Variants in GSE1 observed in about 807,000 individuals in gnomAD.
The protein encoded by GSE1 is genetic suppressor element 1.
Under a neutral mutation model 112.6 loss-of-function variants are expected in GSE1, and 32 were observed. The observed-to-expected ratio is 0.28, with a 90% CI of 0.21 to 0.38. GSE1 has a LOEUF of 0.38. GSE1 is among the 10% of genes least tolerant of loss of function. The pLI, the probability that GSE1 is intolerant of heterozygous loss-of-function variation, is 1.00. For missense variants in GSE1, 2,348 were observed against 1,699.2 expected (o/e 1.38, Z -6.71); for synonymous variants, 1,115 against 735.6 (o/e 1.52, Z -8.35).
At position 85,370,344 on chromosome 16, in the gene GSE1, G is replaced by T. The variant is rs544858152; in HGVS notation, c.2464+12701G>T. Reference sequence around the variant, plus strand: ...ACTGGGCGTCCCTCTGCCTCTGCCTGCCCCTCAAGCAGCTAAGCCATGGTC... The same window carrying T: ...ACTGGGCGTCCCTCTGCCTCTGCCTTCCCCTCAAGCAGCTAAGCCATGGTC... On this transcript the variant is annotated intron_variant, in intron 2 of 2. Transcript: ENST00000637419. Among the ~76,000 whole-genome samples, 3 of 152,232 alleles carry T rather than the reference G, an allele frequency of 2.0e-5. No homozygotes were observed. The South Asian group carries it at 6.2e-4, about 32-fold the overall frequency.
intron 1 of GSE1, among the ~76,000 whole-genome samples, chr16:85,258,933 C>T (rs1310849021): frequency 1.3e-5 from 2 of 152,230 alleles, no homozygotes; most frequent in Non-Finnish European, 2.9e-5. Flanking sequence ...AATCGCTCAG[C>T]TGTCAGGGGC....
chr16:85,619,157 C>A (rs200418124), intron 1 of GSE1, among the ~76,000 whole-genome samples: 1 of 152,168 alleles, frequency 6.6e-6, no homozygotes, highest in African/African-American at 2.4e-5. Context: ...GGAGCCTCAA[C>A]GTCCCCTCGG....
chr16:85,565,927 T>C (rs538495560), intron 1 of GSE1, among the ~76,000 whole-genome samples: 1 of 152,330 alleles, frequency 6.6e-6, no homozygotes, highest in Admixed American at 6.5e-5. Flanking sequence ...CAGGCTTTTC[T>C]GAGGCTGCAG....
At chr16:85,417,184 G>T (rs1171666861) in intron 2 of GSE1, among the ~76,000 whole-genome samples, 1 of 152,212 alleles carries the variant, frequency 6.6e-6, no homozygotes, top group Admixed American at 6.5e-5. Flanking sequence ...GGATATTTGG[G>T]TGAGATAATT....
intron 2 of GSE1, among the ~76,000 whole-genome samples, chr16:85,647,243 C>G (rs1382082953): frequency 6.6e-6 from 1 of 152,194 alleles, no homozygotes; most frequent in Admixed American, 6.5e-5. Flanking sequence ...CCAAAGCCCT[C>G]CTGCCTGCCC....
At chr16:85,306,773 C>T (rs1400227366) in intron 1 of GSE1, among the ~76,000 whole-genome samples, 8 of 152,198 alleles carry the variant, frequency 5.3e-5, no homozygotes, top group South Asian at 2.1e-4. Flanking sequence ...TATGGCCAAA[C>T]GGAGGCAGAT....
intron 1 of GSE1, among the ~76,000 whole-genome samples, chr16:85,617,948 G>C (rs1485787412): frequency 6.6e-6 from 1 of 152,130 alleles, no homozygotes; most frequent in African/African-American, 2.4e-5. Context: ...CTGTCACCTG[G>C]CTGCTCTCTG....
chr16:85,171,513 C>T (rs1326541500), exon 1 of GSE1: 1 of 985,614 alleles, frequency 1.0e-6, no homozygotes, highest in Non-Finnish European at 1.2e-6. Context: ...AGCATGAGGC[C>T]CGCAGCTCCC....
chr16:85,278,502 A>G (rs1567658120), intron 1 of GSE1, among the ~76,000 whole-genome samples: 1 of 152,236 alleles, frequency 6.6e-6, no homozygotes, highest in Non-Finnish European at 1.5e-5. Context: ...CTGAATTCAC[A>G]AGGTTTGTTT....
At chr16:85,636,292 C>A (rs544711644) in intron 2 of GSE1, among the ~76,000 whole-genome samples, 1 of 152,204 alleles carries the variant, frequency 6.6e-6, no homozygotes, top group Admixed American at 6.5e-5. Context: ...CACCTCACCC[C>A]CTATTGAGCT....
chr16:85,656,670 C>G lies in GSE1; in HGVS notation c.1312+5C>G, dbSNP rs1392315455. 5 of 1,505,200 alleles carry G rather than the reference C, an allele frequency of 3.3e-6. No homozygotes were observed. Among genetic ancestry groups the G allele is most frequent in the Non-Finnish European group, 4.4e-6 (5 of 1,126,364 alleles). 93.2% of individuals were successfully genotyped at this position (1,505,200 alleles called of 1,614,324 possible). The stretch of plus-strand genomic sequence containing the variant: ...AGCTGACCCCAACCCGAGCAGGTAC[C>G]TGGGCGTGGGTGGGCTGTGCTGGGC... On this transcript the variant is annotated splice_donor_5th_base_variant and intron_variant, in intron 7 of 15. Coordinates refer to ENST00000253458, the MANE Select transcript of GSE1 (RefSeq NM_014615.5).
At chr16:85,557,987 T>C (rs1313686995) in intron 1 of GSE1, among the ~76,000 whole-genome samples, 1 of 152,120 alleles carries the variant, frequency 6.6e-6, no homozygotes, top group Non-Finnish European at 1.5e-5. Flanking sequence ...CTCCTCTGCC[T>C]GAAATGCAAA....
intron 1 of GSE1, among the ~76,000 whole-genome samples, chr16:85,590,049 CTG>C (rs61150792): frequency 0.027 from 4,132 of 151,972 alleles, 169 homozygotes; most frequent in African/African-American, 0.089. Context: ...AATGTGTGAA[CTG>C]TGTGTTTATG....
chr16:85,376,122 C>T (rs945401536), intron 2 of GSE1, among the ~76,000 whole-genome samples: 3 of 152,180 alleles, frequency 2.0e-5, no homozygotes, highest in Non-Finnish European at 2.9e-5. Context: ...AAAGAAGGTA[C>T]AGACTCCAGG....
chr16:85,189,337 A>G (rs79475410), intron 1 of GSE1, among the ~76,000 whole-genome samples: 4 of 152,208 alleles, frequency 2.6e-5, no homozygotes, highest in African/African-American at 7.2e-5. Context: ...CCAACTAGAT[A>G]GAAAAAATAG....
chr16:85,356,826 C>G (rs2046960106), intron 1 of GSE1, among the ~76,000 whole-genome samples: 1 of 152,170 alleles, frequency 6.6e-6, no homozygotes, highest in African/African-American at 2.4e-5. Flanking sequence ...TCAAGGCACT[C>G]CAGTTGCTCA....
chr16:85,575,051 C>A (rs142151304), intron 1 of GSE1, among the ~76,000 whole-genome samples: 1 of 152,090 alleles, frequency 6.6e-6, no homozygotes, highest in African/African-American at 2.4e-5. Flanking sequence ...CCCCCTCTCC[C>A]CCGCCCCCCG....
At chr16:85,507,491 C>A (rs539858936) in intron 2 of GSE1, among the ~76,000 whole-genome samples, 1 of 152,356 alleles carries the variant, frequency 6.6e-6, no homozygotes, top group East Asian at 1.9e-4. Flanking sequence ...TCTGTTGGGG[C>A]TGCCATGGCA....
chr16:85,218,003 C>T (rs1171634393), intron 1 of GSE1, among the ~76,000 whole-genome samples: 2 of 152,138 alleles, frequency 1.3e-5, no homozygotes, highest in Non-Finnish European at 2.9e-5. Flanking sequence ...TAGGTTCAAG[C>T]AATTATCGTG....
Sources: allele counts gnomAD v4.1 joint callset (sites outside exome capture counted in the v4.1 genomes callset), GRCh38; gene constraint gnomAD v4.1.1; transcripts MANE v1.5; gene names NCBI Gene and HGNC (gene_info 2026-07-23, HGNC 2026-07-21).